DEPDC5: variants seen among roughly 807,000 people sequenced by gnomAD.
The protein encoded by DEPDC5 is DEP domain containing 5, GATOR1 subcomplex subunit.
In DEPDC5, 73 loss-of-function variants were observed where a neutral mutation model predicts 217.3. The ratio of observed to expected loss-of-function variants is 0.34; its 90% CI spans 0.28 to 0.41. The LOEUF (loss-of-function observed/expected upper bound fraction) is 0.41. Ranked by LOEUF, DEPDC5 falls within the 10% of genes least tolerant of loss-of-function variation. The probability of loss-of-function intolerance (pLI) is 1.00; values close to 1 mark genes in which losing one functional copy is unlikely to be tolerated. For synonymous variants in DEPDC5, 733 were observed against 756.7 expected, an observed-to-expected ratio of 0.97 and a Z score of 0.51; for missense variants, 1,675 against 2,070.1, an observed-to-expected ratio of 0.81 and a Z score of 3.70.
At chr22:31,829,270 G>A (rs559698890) in intron 24 of DEPDC5, among the ~76,000 whole-genome samples, 29 of 152,298 alleles carry the variant, frequency 1.9e-4, no homozygotes, top group Non-Finnish European at 3.7e-4. Context: ...GGTGTCTGAC[G>A]CCTGTAATCC....
chr22:31,818,391 G>A (rs776104703), intron 21 of DEPDC5, among the ~76,000 whole-genome samples: 1 of 152,144 alleles, frequency 6.6e-6, no homozygotes, highest in Non-Finnish European at 1.5e-5. Context: ...TCCATCCTGG[G>A]ATGCCATGAT....
rs1310754567 is a variant in DEPDC5, at chr22:31,764,958, T to TAGA, written c.194-16_194-15insGAA. 6.3e-7 allele frequency: 1 copy of TAGA among 1,599,254 alleles called. No homozygotes were observed. The highest frequency in any genetic ancestry group is 1.1e-5 in the South Asian group (1 of 90,692). On this transcript the variant is annotated splice_polypyrimidine_tract_variant and intron_variant, in intron 4 of 42. Coordinates refer to ENST00000651528, the MANE Select transcript of DEPDC5 (RefSeq NM_001242896.3). ...TTCAAAATATGTTATCTGAGCCAGA[T>TAGA]ATTGTTTCTGTTTTAGAAACTATCA...
intron 33 of DEPDC5, 71 bp downstream of exon 33, chr22:31,861,504 T>C: frequency 6.7e-7 from 1 of 1,490,506 alleles, no homozygotes; most frequent in Non-Finnish European, 9.1e-7. Context: ...TCTGTTAGGC[T>C]CTGAACACAT....
rs563309459 is a variant in DEPDC5, at chr22:31,902,194, A to G, written c.4436+392A>G. On this transcript the variant is annotated intron_variant, in intron 41 of 42. Transcript: ENST00000651528. ...TAAAAAGCAATAGATGAGTCAGTAG[A>G]TATTTCTTGGCACCTAATATGTGTG... is the stretch of plus-strand genomic sequence containing the variant. Among the ~76,000 whole-genome samples, 165 of 152,128 alleles carry G rather than the reference A, an allele frequency of 1.1e-3. 1 individual carries two copies. Among genetic ancestry groups the G allele is most frequent in the Non-Finnish European group, 1.5e-3 (101 of 68,002 alleles).
chr22:31,889,816 G>T (rs2093401528), intron 38 of DEPDC5, among the ~76,000 whole-genome samples: 1 of 152,132 alleles, frequency 6.6e-6, no homozygotes. Context: ...GGGATTACAG[G>T]TGTGAGCCAC....
At chr22:31,785,071 A>G in intron 10 of DEPDC5, 196 bp downstream of exon 10, 1 of 506,372 alleles carries the variant, frequency 2.0e-6, no homozygotes, top group South Asian at 2.7e-5. Context: ...ACTCAATGGT[A>G]AAAGACTGAA....
At chr22:31,793,524 G>A (rs557971394) in intron 12 of DEPDC5, among the ~76,000 whole-genome samples, 1 of 151,658 alleles carries the variant, frequency 6.6e-6, no homozygotes, top group East Asian at 1.9e-4. Context: ...TTCAAAAAAG[G>A]CATTTTTATA....
At chr22:31,820,801 T>G (rs904473266) in intron 22 of DEPDC5, among the ~76,000 whole-genome samples, 2 of 152,250 alleles carry the variant, frequency 1.3e-5, no homozygotes, top group Non-Finnish European at 2.9e-5. Context: ...CCTGTTTAGC[T>G]GGCCTTTCAG....
intron 20 of DEPDC5, among the ~76,000 whole-genome samples, chr22:31,812,420 CTTTTTTTTTTT>C (rs57618137): frequency 1.0e-5 from 1 of 98,286 alleles, no homozygotes; most frequent in African/African-American, 4.4e-5. Flanking sequence ...TTCCATATTT[CTTTTTTTTTTT>C]TTTTTTTTTT....
chr22:31,902,875 C>T (rs1602970976), intron 41 of DEPDC5, among the ~76,000 whole-genome samples: 1 of 152,182 alleles, frequency 6.6e-6, no homozygotes, highest in South Asian at 2.1e-4. Flanking sequence ...TGCTAACTCA[C>T]GAGTTTCTAA....
At chr22:31,793,979 T>G (rs2085966726) in intron 12 of DEPDC5, among the ~76,000 whole-genome samples, 1 of 152,186 alleles carries the variant, frequency 6.6e-6, no homozygotes, top group Admixed American at 6.6e-5. Context: ...TTGATTTATT[T>G]AAATATCACA....
chr22:31,807,437 T>C (rs926468037), intron 18 of DEPDC5, among the ~76,000 whole-genome samples: 1 of 152,066 alleles, frequency 6.6e-6, no homozygotes, highest in African/African-American at 2.4e-5. Context: ...TTGTTGTCGT[T>C]GTTTGTTTTT....
chr22:31,791,667 A>G (rs2085656275), intron 10 of DEPDC5, among the ~76,000 whole-genome samples: 1 of 148,756 alleles, frequency 6.7e-6, no homozygotes, highest in African/African-American at 2.5e-5. Context: ...AGTGGCTCAC[A>G]CCTGTAATCC....
At chr22:31,834,772 G>T (rs572868637) in intron 25 of DEPDC5, among the ~76,000 whole-genome samples, 4 of 151,202 alleles carry the variant, frequency 2.6e-5, no homozygotes, top group Admixed American at 2.0e-4. Context: ...CTCGTGATCC[G>T]CCCGCCTTGG....
chr22:31,888,464 C>G (rs1230581398), intron 38 of DEPDC5, among the ~76,000 whole-genome samples: 1 of 151,874 alleles, frequency 6.6e-6, no homozygotes, highest in African/African-American at 2.4e-5. Context: ...GTTGGTCAGG[C>G]TGGTCTCAAA....
intron 16 of DEPDC5, among the ~76,000 whole-genome samples, chr22:31,804,628 C>T (rs1028326928): frequency 3.9e-5 from 6 of 152,092 alleles, no homozygotes; most frequent in Admixed American, 3.3e-4. Context: ...TTAGTAGAGA[C>T]GGGGTTTCAC....
chr22:31,809,585 G>A (rs1255195957), intron 18 of DEPDC5, 26 bp from the exon 19 acceptor site: 1 of 1,613,048 alleles, frequency 6.2e-7, no homozygotes, highest in African/African-American at 1.3e-5. Flanking sequence ...AGGAAGGAGT[G>A]ATTAATTATC....
chr22:31,766,493 A>G lies in DEPDC5; in HGVS notation c.280-92A>G, dbSNP rs184813457. The G allele has an allele frequency of 9.0e-4, 1,159 of 1,291,870 alleles. 9 individuals carry two copies. The African/African-American group carries it at 9.1e-3, about 10-fold the overall frequency. The allele number at this position is 1,291,870 out of a possible 1,614,324, so 80.0% of individuals were successfully genotyped here. ...TCTTCCAGTAGTTTTCTTTTTTGCA[A>G]TAAGTTTTTTTCCATGGTAAGTGGG... On this transcript the variant is annotated intron_variant, in intron 5 of 42. Transcript: ENST00000651528.
chr22:31,805,847 C>T (rs1019299613), intron 17 of DEPDC5, among the ~76,000 whole-genome samples: 1 of 152,106 alleles, frequency 6.6e-6, no homozygotes, highest in Non-Finnish European at 1.5e-5. Context: ...CCTGTAATCC[C>T]AGCACTTTGG....
Sources: allele counts gnomAD v4.1 joint callset (sites outside exome capture counted in the v4.1 genomes callset), GRCh38; gene constraint gnomAD v4.1.1; transcripts MANE v1.5; gene names NCBI Gene and HGNC (gene_info 2026-07-23, HGNC 2026-07-21).